MIA2: variants seen among roughly 807,000 people sequenced by gnomAD.
MIA2 encodes melanoma inhibitory activity protein 2.
In MIA2, 127 loss-of-function variants were observed where a neutral mutation model predicts 167.8. The ratio of observed to expected loss-of-function variants is 0.76; its 90% CI spans 0.66 to 0.88. The LOEUF is 0.88. Among genes scored for constraint, MIA2 ranks in the 40% least tolerant of loss-of-function variants. MIA2 has a pLI of 0.00. For synonymous variants in MIA2, 552 were observed against 541.9 expected (o/e 1.02, Z -0.26); for missense variants, 1,690 against 1,624.7 (o/e 1.04, Z -0.69).
chr14:39,326,598 A>G (rs947724645), intron 24 of MIA2, among the ~76,000 whole-genome samples: 22 of 149,312 alleles, frequency 1.5e-4, no homozygotes, highest in Admixed American at 1.5e-3. Flanking sequence ...TATGCTTTTT[A>G]TTTAATCATT....
rs1159532554 is a variant in MIA2 at position 39,247,258 on chromosome 14, A to C, written c.684A>C (p.Gly228=). The change falls in exon 4 of 29, where the codon GGA becomes GGC. Residue 228 remains glycine, a synonymous_variant. Transcript: ENST00000640607. ...TGTCTGGAGTCAAAGAATGGTTTGG[A>C]TTGGGAGGAGAACAAGCTGAAGAGA... The part of the protein sequence containing the change: ...SAVSGVKEWF[G]LGGEQAEEKA... 6.2e-7 allele frequency: 1 copy of C among 1,613,926 alleles called. No individual in the cohort carries two copies. Among genetic ancestry groups the C allele is most frequent in the Non-Finnish European group, 8.5e-7 (1 of 1,180,028 alleles).
At chr14:39,284,740 C>G (rs1566723036) in intron 9 of MIA2, among the ~76,000 whole-genome samples, 2 of 148,758 alleles carry the variant, frequency 1.3e-5, no homozygotes, top group African/African-American at 5.0e-5. Context: ...GGATTGTTTT[C>G]TTTTTTTTTC....
intron 25 of MIA2, among the ~76,000 whole-genome samples, chr14:39,329,900 T>C (rs2068416214): frequency 6.6e-6 from 1 of 152,246 alleles, no homozygotes; most frequent in Non-Finnish European, 1.5e-5. Context: ...TTTGCATCAA[T>C]GTTCATCAGA....
chr14:39,339,159 A>C (rs1292084461), intron 25 of MIA2, among the ~76,000 whole-genome samples: 2 of 152,222 alleles, frequency 1.3e-5, no homozygotes, highest in African/African-American at 4.8e-5. Context: ...TTCTATGAGA[A>C]TAGAATGCCT....
At chr14:39,329,653 GTTT>G (rs139865314) in intron 25 of MIA2, among the ~76,000 whole-genome samples, 2,925 of 140,750 alleles carry the variant, frequency 0.021, 96 homozygotes, top group African/African-American at 0.069. Context: ...AGTTTATTGA[GTTT>G]TTTTTTTTTT....
intron 15 of MIA2, 131 bp from the exon 16 acceptor site, chr14:39,303,347 A>G: frequency 1.5e-6 from 1 of 673,652 alleles, no homozygotes; most frequent in Non-Finnish European, 2.5e-6. Context: ...GCTTTATACC[A>G]AATTCTTTAT....
At chr14:39,387,181 A>T in exon 24 of MIA2, 1 of 459,244 alleles carries the variant, frequency 2.2e-6, no homozygotes, top group Non-Finnish European at 3.8e-6. Flanking sequence ...TAGCTACCAT[A>T]GATAGTATTT....
At chr14:39,351,964 G>C (rs987635706), downstream of MIA2, among the ~76,000 whole-genome samples, 2 of 151,760 alleles carry the variant, frequency 1.3e-5, no homozygotes, top group Non-Finnish European at 2.9e-5. Flanking sequence ...ACTCAGAAGG[G>C]AATGTTCTTA....
downstream of MIA2, among the ~76,000 whole-genome samples, chr14:39,353,760 T>G (rs996667441): frequency 1.3e-5 from 2 of 152,184 alleles, no homozygotes; most frequent in Non-Finnish European, 2.9e-5. Context: ...TTCCCCTTCC[T>G]GTGTCCAAGT....
intron 25 of MIA2, among the ~76,000 whole-genome samples, chr14:39,330,134 G>A (rs746382902): frequency 3.3e-5 from 5 of 151,910 alleles, no homozygotes; most frequent in African/African-American, 9.7e-5. Flanking sequence ...TAATTACTAC[G>A]TCAATTTCAG....
At chr14:39,275,139 T>TGTGTGTGTGTGTGTG in intron 6 of MIA2, among the ~76,000 whole-genome samples, 1 of 126,716 alleles carries the variant, frequency 7.9e-6, no homozygotes, top group East Asian at 2.3e-4. Flanking sequence ...CCTTAATCCT[T>TGTGTGTGTGTGTGTG]TGTGTGTGTG....
Position 39,350,122 on chromosome 14 carries a change from G to C in MIA2, c.4097G>C (p.Gly1366Ala), listed in dbSNP as rs754736260. The change falls in exon 29 of 29, where the codon GGT (glycine) becomes GCT (alanine). Residue 1366 changes from glycine to alanine, a missense_variant. Physicochemically the swap from Gly to Ala is moderately conservative, Grantham distance 60. Coordinates refer to ENST00000640607, the MANE Select transcript of MIA2 (RefSeq NM_001329214.4). ...FAMRNVYPPR[G>A]FPPYLPPRPG... ...GTGAGAAATGTCTATCCACCGAGGG[G>C]TTTTCCTCCTTACCTTCCCCCAAGA... 1.8e-5 allele frequency: 25 copies of C among 1,382,002 alleles called. No individual in the cohort carries two copies. In the East Asian group the frequency reaches 6.4e-4, roughly 36 times the overall value. 85.6% of individuals were successfully genotyped at this position (1,382,002 alleles called of 1,614,324 possible).
intron 25 of MIA2, among the ~76,000 whole-genome samples, chr14:39,339,220 C>T (rs575457764): frequency 1.3e-4 from 20 of 152,196 alleles, no homozygotes; most frequent in African/African-American, 4.6e-4. Context: ...GCCCTCCTCA[C>T]CTCCTGCTGT....
chr14:39,264,272 T>C (rs10142479), intron 6 of MIA2, among the ~76,000 whole-genome samples: 88,015 of 152,092 alleles, frequency 0.58, 27,290 homozygotes, highest in African/African-American at 0.81. Context: ...CTGCAAAGAA[T>C]GTGACTTCAT....
chr14:39,250,705 T>A (rs1352345771), intron 4 of MIA2, among the ~76,000 whole-genome samples: 2 of 33,430 alleles, frequency 6.0e-5, no homozygotes, highest in Non-Finnish European at 1.1e-4. Flanking sequence ...CAAAAAAAAA[T>A]ATGCATATAT....
At chr14:39,317,237 C>T (rs1170774108) in intron 21 of MIA2, among the ~76,000 whole-genome samples, 1 of 152,038 alleles carries the variant, frequency 6.6e-6, no homozygotes, top group African/African-American at 2.4e-5. Flanking sequence ...GTGTTTTTAG[C>T]TGAATTGGGA....
Position 39,246,944 on chromosome 14 carries a change from T to C in MIA2, c.370T>C (p.Tyr124His), listed in dbSNP as rs1438633014. Reference protein sequence around the residue: ...SDFLCLLGVSYTFDNEDSELN... With the variant: ...SDFLCLLGVSHTFDNEDSELN... ...CTTTCTTTGTCTTCTTGGAGTAAGTTACACATTTGACAATGAAGATAGTGA... is the reference window on the plus strand; with the variant it reads ...CTTTCTTTGTCTTCTTGGAGTAAGTCACACATTTGACAATGAAGATAGTGA... The change falls in exon 4 of 29, where the codon TAC becomes CAC. Residue 124 changes from tyrosine to histidine, a missense_variant. Tyr to His is a moderately conservative substitution (Grantham distance 83, BLOSUM62 2). Transcript: ENST00000640607. 6.6e-7 allele frequency: 1 copy of C among 1,525,606 alleles called. No homozygotes were observed. The highest frequency in any genetic ancestry group is 8.8e-7 in the Non-Finnish European group (1 of 1,142,562). 94.5% of individuals were successfully genotyped at this position (1,525,606 alleles called of 1,614,324 possible).
chr14:39,367,041 A>C (rs1338499709), intron 23 of MIA2, among the ~76,000 whole-genome samples: 1 of 152,194 alleles, frequency 6.6e-6, no homozygotes, highest in African/African-American at 2.4e-5. Context: ...AAAGCCACGC[A>C]GTTGTGCTGT....
intron 18 of MIA2, 33 bp from the exon 19 acceptor site, chr14:39,313,307 A>G (rs1409701206): frequency 5.3e-6 from 6 of 1,138,484 alleles, no homozygotes; most frequent in Non-Finnish European, 6.5e-6. Flanking sequence ...TTTGACATGT[A>G]TTAAGAGAAT....
Sources: gnomAD v4.1 joint callset for allele counts (sites outside exome capture counted in the v4.1 genomes callset) on GRCh38, gnomAD v4.1.1 for gene constraint, MANE v1.5 for transcripts, NCBI Gene and HGNC (gene_info 2026-07-23, HGNC 2026-07-21) for gene names.